Variants in DNAAF4 observed in about 807,000 individuals in gnomAD.
The protein encoded by DNAAF4 is dynein axonemal assembly factor 4, also known as dynein assembly factor 4, axonemal.
In DNAAF4, 43 loss-of-function variants were observed where a neutral mutation model predicts 51.8. The observed-to-expected ratio is 0.83, with a 90% CI of 0.65 to 1.07. The LOEUF (loss-of-function observed/expected upper bound fraction) is 1.07, where lower values mean the gene tolerates loss of function less well. Among genes scored for constraint, DNAAF4 ranks in the 50% least tolerant of loss-of-function variants. The pLI is 0.00. For missense variants in DNAAF4, 581 were observed against 493.0 expected (o/e 1.18, Z -1.69); for synonymous variants, 194 against 165.6 (o/e 1.17, Z -1.32).
chr15:55,450,240 T>A lies in DNAAF4; in HGVS notation c.765A>T (p.Gln255His), dbSNP rs376719715. 1.2e-6 allele frequency: 2 copies of A among 1,612,306 alleles called. No individual in the cohort carries two copies. The highest frequency in any genetic ancestry group is 2.7e-5 in the African/African-American group (2 of 74,892). ...TATATACCTCCTCCTCTTCTGCTACTTGTGATTCACGAAGAGCTGTTGGGA... is the reference window on the plus strand; with the variant it reads ...TATATACCTCCTCCTCTTCTGCTACATGTGATTCACGAAGAGCTGTTGGGA... ...RVFPTALRES[Q>H]VAEEEEWLHK... Residue 255 changes from glutamine (Q) to histidine (H), a missense_variant, in exon 6 of 10, where the codon CAA becomes CAT. Coordinates refer to ENST00000321149, the MANE Select transcript of DNAAF4 (RefSeq NM_130810.4).
In DNAAF4 at chr15:55,502,398, T is replaced by C. The variant is rs186103551; in HGVS notation, c.-255-3814A>G. Among the ~76,000 whole-genome samples the C allele has an allele frequency of 3.6e-3, 554 of 152,306 alleles. 1 individual carries two copies. Among genetic ancestry groups the C allele is most frequent in the Non-Finnish European group, 5.7e-3 (385 of 68,022 alleles). ...TAAGCTGAAGGAATTGCAGCTCATA[T>C]CCTTTGTGTTATTAGGTTTTCCTAT... is the stretch of plus-strand genomic sequence containing the variant. On this transcript the variant is annotated intron_variant, in intron 1 of 9. Transcript: ENST00000321149.
Position 55,498,594 on chromosome 15 carries a change from A to C in DNAAF4, c.-255-10T>G. The C allele has an allele frequency of 2.7e-5, 2 of 74,442 alleles. No individual in the cohort carries two copies. Among genetic ancestry groups the C allele is most frequent in the Non-Finnish European group, 2.7e-5 (1 of 37,014 alleles). 4.6% of individuals were successfully genotyped at this position (74,442 alleles called of 1,614,324 possible). On this transcript the variant is annotated splice_polypyrimidine_tract_variant and intron_variant, in intron 1 of 9. Transcript: ENST00000321149. Reference sequence around the variant, plus strand: ...AGTAGACCCATACCCTCTGCTTGAGAAAAAAAAAAAAAAAAAAAAGCACTC... The same window carrying C: ...AGTAGACCCATACCCTCTGCTTGAGCAAAAAAAAAAAAAAAAAAAGCACTC...
intron 1 of DNAAF4, among the ~76,000 whole-genome samples, chr15:55,507,464 G>T (rs2058732838): frequency 6.6e-6 from 1 of 152,148 alleles, no homozygotes; most frequent in South Asian, 2.1e-4. Context: ...TATTAAAAAT[G>T]AAAAACAGAA....
intron 1 of DNAAF4, among the ~76,000 whole-genome samples, chr15:55,501,524 C>T (rs1169573898): frequency 6.7e-6 from 1 of 150,016 alleles, no homozygotes; most frequent in Non-Finnish European, 1.5e-5. Flanking sequence ...TACAGGTGCC[C>T]GCCACCGCAT....
intron 4 of DNAAF4, among the ~76,000 whole-genome samples, chr15:55,480,939 C>A (rs1052028905): frequency 2.0e-5 from 3 of 152,094 alleles, no homozygotes; most frequent in African/African-American, 7.2e-5. Flanking sequence ...ATCATGGGGG[C>A]AGTTTCCCCC....
intron 6 of DNAAF4, among the ~76,000 whole-genome samples, chr15:55,445,592 C>T (rs899146838): frequency 5.9e-5 from 9 of 151,966 alleles, no homozygotes; most frequent in Admixed American, 2.6e-4. Context: ...ATGGGGCGGC[C>T]AGGCAGAGGC....
chr15:55,454,339 T>C (rs1176131537), intron 5 of DNAAF4, among the ~76,000 whole-genome samples: 3 of 151,862 alleles, frequency 2.0e-5, no homozygotes, highest in South Asian at 2.1e-4. Context: ...TGAAAATATA[T>C]ATTGAAAACA....
chr15:55,436,877 G>A (rs2057621100), intron 7 of DNAAF4, among the ~76,000 whole-genome samples: 1 of 151,276 alleles, frequency 6.6e-6, no homozygotes, highest in Non-Finnish European at 1.5e-5. Context: ...CTGGAGTGCA[G>A]TGGCACGATC....
Position 55,434,972 on chromosome 15 carries a change from T to C in DNAAF4, c.980A>G (p.Tyr327Cys). The change falls in exon 8 of 10, where the codon TAT becomes TGT. Residue 327 changes from tyrosine (Y) to cysteine (C), a missense_variant. Tyr to Cys is a radical substitution (Grantham distance 194). Transcript: ENST00000321149. The stretch of plus-strand genomic sequence containing the variant: ...TAGGTGGCAAGCAGCCCGGTTCAAA[T>C]ACAATAGTGGCATCTTATTATTTAG... ...IRLNNKMPLL[Y>C]LNRAACHLKL... The C allele has an allele frequency of 1.2e-6, 2 of 1,613,438 alleles. No homozygotes were observed. The highest frequency in any genetic ancestry group is 1.3e-5 in the African/African-American group (1 of 75,034).
At chr15:55,497,994 G>A in intron 2 of DNAAF4, 135 bp from the exon 3 acceptor site, 1 of 1,327,220 alleles carries the variant, frequency 7.5e-7, no homozygotes, top group East Asian at 2.5e-5. Context: ...AGATTAGCAA[G>A]GCATATGAGG....
At position 55,473,198 on chromosome 15, in the gene DNAAF4, A is replaced by AAAATATATATATAT. The variant is rs1209754897; in HGVS notation, c.406-6038_406-6037insATATATATATATTT. Among the ~76,000 whole-genome samples the AAAATATATATATAT allele has an allele frequency of 1.6e-4, 12 of 75,750 alleles. 1 individual carries two copies. The highest frequency in any genetic ancestry group is 1.7e-4 in the Non-Finnish European group (7 of 40,770). 49.7% of individuals were successfully genotyped at this position (75,750 alleles called of 152,430 possible). ...ACAAAAAAAAAACCTAAAAAAAAAA[A>AAAATATATATATAT]ATATATATATATATATATATATATG... On this transcript the variant is annotated intron_variant, in intron 4 of 9. Coordinates refer to ENST00000321149, the MANE Select transcript of DNAAF4 (RefSeq NM_130810.4).
chr15:55,495,167 T>C (rs1405375814), intron 3 of DNAAF4: 1 of 133,462 alleles, frequency 7.5e-6, no homozygotes, highest in East Asian at 2.2e-4. Context: ...AACAGGAACC[T>C]GATTCTTTAA....
intron 1 of DNAAF4, among the ~76,000 whole-genome samples, chr15:55,501,164 A>T (rs541072131): frequency 7.5e-6 from 1 of 133,760 alleles, no homozygotes; most frequent in African/African-American, 2.8e-5. Flanking sequence ...CCGGGGTTCA[A>T]GCGATTCTCC....
Position 55,430,601 on chromosome 15 carries a change from A to T in DNAAF4, c.*69T>A. ...AAGCGATTCTGTACAACTGGCCATAATATGTACAAAGATGCCTCCAGTTGT... is the reference window on the plus strand; with the variant it reads ...AAGCGATTCTGTACAACTGGCCATATTATGTACAAAGATGCCTCCAGTTGT... On this transcript the variant is annotated 3_prime_UTR_variant, in exon 10 of 10. Transcript: ENST00000321149. 6.5e-7 allele frequency: 1 copy of T among 1,548,438 alleles called. No individual in the cohort carries two copies. Among genetic ancestry groups the T allele is most frequent in the Non-Finnish European group, 8.7e-7 (1 of 1,149,060 alleles).
chr15:55,423,534 C>A (rs1301374206), intron 7 of DNAAF4, among the ~76,000 whole-genome samples: 1 of 152,130 alleles, frequency 6.6e-6, no homozygotes, highest in Non-Finnish European at 1.5e-5. Flanking sequence ...TGTGAGCCAC[C>A]ATGCTGACCA....
intron 4 of DNAAF4, among the ~76,000 whole-genome samples, chr15:55,479,258 G>C (rs558783095): frequency 6.6e-6 from 1 of 151,974 alleles, no homozygotes; most frequent in South Asian, 2.1e-4. Context: ...GTTGCGGGAA[G>C]TCAGGGACCC....
chr15:55,434,640 C>G (rs985706510), intron 8 of DNAAF4, among the ~76,000 whole-genome samples: 2 of 151,994 alleles, frequency 1.3e-5, no homozygotes, highest in African/African-American at 4.8e-5. Context: ...CGAGACCTGC[C>G]TGTGCAATAT....
intron 4 of DNAAF4, among the ~76,000 whole-genome samples, chr15:55,476,616 G>A (rs974049346): frequency 6.6e-6 from 1 of 152,076 alleles, no homozygotes; most frequent in African/African-American, 2.4e-5. Flanking sequence ...ACATGATTCA[G>A]CCTTAAAAAG....
chr15:55,418,557 A>G, intron 7 of DNAAF4: 1 of 1,461,536 alleles, frequency 6.8e-7, no homozygotes, highest in Admixed American at 2.2e-5. Flanking sequence ...CCTAATATTC[A>G]ACACACTCTA....
Sources: allele counts gnomAD v4.1 joint callset (sites outside exome capture counted in the v4.1 genomes callset), GRCh38; gene constraint gnomAD v4.1.1; transcripts MANE v1.5; gene names NCBI Gene and HGNC (gene_info 2026-07-23, HGNC 2026-07-21).